The following BID variants were observed in gnomAD, a reference collection of about 807,000 sequenced individuals.
BID encodes the protein BH3 interacting domain death agonist.
BID carries 19 observed loss-of-function variants against 17.4 expected under a neutral mutation model. The observed-to-expected ratio is 1.09, with a 90% CI of 0.76 to 1.60. The LOEUF is 1.60. Ranked by LOEUF, BID falls within the 40% of genes most tolerant of loss-of-function variation. BID has a pLI of 0.00. For synonymous variants in BID, 108 were observed against 102.8 expected, an observed-to-expected ratio of 1.05 and a Z score of -0.31; for missense variants, 226 against 256.0, an observed-to-expected ratio of 0.88 and a Z score of 0.80.
rs143734092 is a variant in BID at position 17,739,398 on chromosome 22, A to G, written c.314T>C (p.Leu105Pro). The G allele has an allele frequency of 3.7e-6, 6 of 1,608,806 alleles. No homozygotes were observed. In the African/African-American group the frequency reaches 6.7e-5, roughly 18 times the overall value. The change falls in exon 4 of 6, where the codon CTG (leucine) becomes CCG (proline). Residue 105 changes from leucine (L) to proline (P), a missense_variant. Leu to Pro is a moderately conservative substitution (Grantham distance 98). Transcript: ENST00000622694. ...GAGCTGCAGGGCCAGGCCGTTCACC[A>G]GGCCCGGAGGGATGCTACGGTCCAT... Reference protein sequence around the residue: ...DSMDRSIPPGLVNGLALQLRN... With the variant: ...DSMDRSIPPGPVNGLALQLRN...
In BID at chr22:17,769,561, A is replaced by T. The variant is rs1330870082; in HGVS notation, c.-59+4820T>A. Among the ~76,000 whole-genome samples, 3 of 152,186 alleles carry T rather than the reference A, an allele frequency of 2.0e-5. No individual in the cohort carries two copies. The highest frequency in any genetic ancestry group is 4.4e-5 in the Non-Finnish European group (3 of 68,030). ...AGAAGCACCCTGAGGCTGTGCTGTC[A>T]TCCAGAGTGCCACCCCGCTTTTCCA... On this transcript the variant is annotated intron_variant, in intron 1 of 5. Coordinates refer to ENST00000622694, the MANE Select transcript of BID (RefSeq NM_001196.4). This position sits in a 1 kb window ranked among gnomAD's most constrained non-coding sequence, Gnocchi z 4.8.
intron 2 of BID, among the ~76,000 whole-genome samples, chr22:17,745,019 G>C (rs1308153024): frequency 6.6e-6 from 1 of 152,164 alleles, no homozygotes; most frequent in Non-Finnish European, 1.5e-5. Context: ...AAAACTTTTA[G>C]AGGACAGTTC....
intron 4 of BID, among the ~76,000 whole-genome samples, chr22:17,738,937 A>C (rs2061438538): frequency 6.6e-6 from 1 of 152,150 alleles, no homozygotes; most frequent in African/African-American, 2.4e-5. Flanking sequence ...AACAGTGCCA[A>C]GCAGATGGTA....
intron 1 of BID, among the ~76,000 whole-genome samples, chr22:17,756,496 CT>C: frequency 7.2e-6 from 1 of 139,580 alleles, no homozygotes; most frequent in Non-Finnish European, 1.5e-5. Flanking sequence ...TTCTTTCTTT[CT>C]CTCTCTCTTT....
chr22:17,766,112 C>G (rs899909420), intron 1 of BID, among the ~76,000 whole-genome samples: 3 of 151,880 alleles, frequency 2.0e-5, no homozygotes, highest in Non-Finnish European at 4.4e-5. Context: ...TTTGTAGAGT[C>G]AAGGTCTTGC....
rs576475077 is a variant in BID at position 17,745,440 on chromosome 22, C to G, written c.13-1427G>C. Among the ~76,000 whole-genome samples, 28 of 152,150 alleles carry G rather than the reference C, an allele frequency of 1.8e-4. No homozygotes were observed. The South Asian group carries it at 5.6e-3, about 30-fold the overall frequency. ...CTCTGGGAGGCAGAGGCAGGAGGAT[C>G]GTTTGAGCCCAGGAATTTGAGACCA... is the stretch of plus-strand genomic sequence containing the variant. On this transcript the variant is annotated intron_variant, in intron 2 of 5. Transcript: ENST00000622694.
At chr22:17,759,182 G>T (rs2058951159) in intron 1 of BID, among the ~76,000 whole-genome samples, 1 of 141,766 alleles carries the variant, frequency 7.1e-6, no homozygotes. Context: ...AGTGAGCCGA[G>T]ATCACGCCAC....
intron 1 of BID, among the ~76,000 whole-genome samples, chr22:17,755,042 G>A (rs941197356): frequency 8.6e-5 from 13 of 151,146 alleles, no homozygotes; most frequent in Non-Finnish European, 1.9e-4. Context: ...GATTACAGGC[G>A]TGAGCCACCG....
At chr22:17,753,609 G>A (rs1292641610) in intron 1 of BID, among the ~76,000 whole-genome samples, 1 of 152,230 alleles carries the variant, frequency 6.6e-6, no homozygotes, top group Non-Finnish European at 1.5e-5. Context: ...AGGAGGGCGT[G>A]GATGCAGACG....
chr22:17,742,117 C>T (rs574403794), intron 3 of BID, among the ~76,000 whole-genome samples: 28 of 152,232 alleles, frequency 1.8e-4, no homozygotes, highest in Admixed American at 1.3e-4. Flanking sequence ...AAAGAAACCC[C>T]GGCAGCCAGA....
Position 17,739,327 on chromosome 22 carries a change from C to T in BID, c.363+22G>A, listed in dbSNP as rs982204741. 3.9e-5 allele frequency: 61 copies of T among 1,551,950 alleles called. No homozygotes were observed. The highest frequency in any genetic ancestry group is 5.0e-5 in the Non-Finnish European group (57 of 1,149,222). On this transcript the variant is annotated intron_variant, in intron 4 of 5. Transcript: ENST00000622694. ...CCCTTGGCTCACTTGCCCGCCCACGCGGTCCTCAGGCCCTCACTCACCTCC... is the reference window on the plus strand; with the variant it reads ...CCCTTGGCTCACTTGCCCGCCCACGTGGTCCTCAGGCCCTCACTCACCTCC...
intron 1 of BID, among the ~76,000 whole-genome samples, chr22:17,763,183 AT>A (rs1569051987): frequency 2.0e-5 from 3 of 150,154 alleles, no homozygotes; most frequent in East Asian, 2.0e-4. Flanking sequence ...GGCCACCTGT[AT>A]TTTTTCTTTG....
rs566629518 is a variant in BID, at chr22:17,735,507, G to A, written c.*73C>T. On this transcript the variant is annotated 3_prime_UTR_variant, in exon 6 of 6. Transcript: ENST00000622694. The stretch of plus-strand genomic sequence containing the variant: ...AACGCTGTTGACATGCCAGGGCTCC[G>A]TCTACACTGGAAGCAGCTATACAGC... The A allele has an allele frequency of 1.6e-5, 25 of 1,585,996 alleles. 1 individual carries two copies. Among genetic ancestry groups the A allele is most frequent in the South Asian group, 1.2e-4 (11 of 90,394 alleles).
chr22:17,738,988 C>G (rs2061438814), intron 4 of BID, among the ~76,000 whole-genome samples: 1 of 152,158 alleles, frequency 6.6e-6, no homozygotes, highest in African/African-American at 2.4e-5. Flanking sequence ...AGGAGCTCAG[C>G]AGAGCAGCAG....
intron 5 of BID, among the ~76,000 whole-genome samples, chr22:17,737,214 C>G (rs1022026846): frequency 2.0e-5 from 3 of 151,848 alleles, no homozygotes; most frequent in Non-Finnish European, 4.4e-5. Context: ...CTTCCCAAAT[C>G]GCTGGGATTA....
At chr22:17,736,457 CAAA>C (rs10559377) in intron 5 of BID, among the ~76,000 whole-genome samples, 62,555 of 136,414 alleles carry the variant, frequency 0.46, 14,165 homozygotes, top group East Asian at 0.61. Flanking sequence ...AATTCTGTCT[CAAA>C]AAAAAAAAAA....
intron 1 of BID, among the ~76,000 whole-genome samples, chr22:17,765,059 G>C (rs556188419): frequency 1.3e-5 from 2 of 152,258 alleles, no homozygotes; most frequent in Non-Finnish European, 2.9e-5. Flanking sequence ...TGAGGGGTGG[G>C]GGTAGAGAAT....
rs549053677 is a variant in BID at position 17,744,866 on chromosome 22, A to C, written c.13-853T>G. Among the ~76,000 whole-genome samples, 5 of 152,292 alleles carry C rather than the reference A, an allele frequency of 3.3e-5. No homozygotes were observed. In the South Asian group the frequency reaches 1.0e-3, roughly 32 times the overall value. On this transcript the variant is annotated intron_variant, in intron 2 of 5. Transcript: ENST00000622694. ...GTGGAAGAGAGAACAAAACACAAAG[A>C]AGGGCAGGGACGCTGAGATCTGCGC...
intron 4 of BID, 68 bp downstream of exon 4, chr22:17,739,281 G>A: frequency 1.4e-6 from 2 of 1,468,916 alleles, no homozygotes; most frequent in Non-Finnish European, 1.8e-6. Flanking sequence ...GGGCTGCCTG[G>A]TGAGAGGCAG....
Sources: allele counts gnomAD v4.1 joint callset (sites outside exome capture counted in the v4.1 genomes callset), GRCh38; gene constraint gnomAD v4.1.1; non-coding constraint Gnocchi (gnomAD v3.1); transcripts MANE v1.5; gene names NCBI Gene and HGNC (gene_info 2026-07-23, HGNC 2026-07-21).